Variants in SQOR observed in about 807,000 individuals in gnomAD.
SQOR encodes the protein sulfide quinone oxidoreductase, also known as sulfide:quinone oxidoreductase, mitochondrial.
A neutral mutation model predicts 48.6 loss-of-function variants in SQOR; 39 were observed. That is an observed-to-expected ratio of 0.80 (90% CI 0.62 to 1.05). The LOEUF is 1.05. Among genes scored for constraint, SQOR ranks in the 50% least tolerant of loss-of-function variants. The probability of loss-of-function intolerance (pLI) is 0.00; values close to 1 mark genes in which losing one functional copy is unlikely to be tolerated. For missense variants in SQOR, 561 were observed against 559.9 expected, an observed-to-expected ratio of 1.00 and a Z score of -0.02; for synonymous variants, 220 against 206.2, an observed-to-expected ratio of 1.07 and a Z score of -0.57.
intron 6 of SQOR, among the ~76,000 whole-genome samples, chr15:45,681,055 A>C (rs1373380815): frequency 2.0e-5 from 3 of 152,090 alleles, no homozygotes; most frequent in Non-Finnish European, 4.4e-5. Context: ...ATAAAAGAAA[A>C]AACAACAACA....
chr15:45,676,128 A>G lies in SQOR; in HGVS notation c.682A>G (p.Ile228Val), dbSNP rs1822510022. 6.2e-7 allele frequency: 1 copy of G among 1,613,896 alleles called. No individual in the cohort carries two copies. The highest frequency in any genetic ancestry group is 8.5e-7 in the Non-Finnish European group (1 of 1,180,000). ...KTGKRSKANI[I>V]FNTSLGAIFG... ...AGGGAAGCGATCCAAGGCCAATATC[A>G]TTTTCAACACTTCTCTTGGAGCCAT... Residue 228 changes from isoleucine to valine, a missense_variant, in exon 6 of 10, where the codon ATT becomes GTT. Transcript: ENST00000260324.
Position 45,662,053 on chromosome 15 carries a change from A to G in SQOR, c.333A>G (p.Val111=). Residue 111 remains valine, a synonymous_variant, in exon 3 of 10, where the codon GTA becomes GTG. Coordinates refer to ENST00000260324, the MANE Select transcript of SQOR (RefSeq NM_021199.4). The part of the protein sequence containing the change: ...RPTASVIPSG[V]EWIKARVTEL... ...CGGCAAGTGTGATTCCATCTGGTGTAGAATGGATCAAAGCTAGAGTGACTG... is the reference window on the plus strand; with the variant it reads ...CGGCAAGTGTGATTCCATCTGGTGTGGAATGGATCAAAGCTAGAGTGACTG... 1 of 1,614,238 alleles carries G rather than the reference A, an allele frequency of 6.2e-7. No individual in the cohort carries two copies. The highest frequency in any genetic ancestry group is 1.1e-5 in the South Asian group (1 of 91,088).
chr15:45,651,742 T>C (rs1889495326), intron 1 of SQOR, among the ~76,000 whole-genome samples: 1 of 152,180 alleles, frequency 6.6e-6, no homozygotes, highest in Non-Finnish European at 1.5e-5. Context: ...GTGCTAGGAT[T>C]ACAGGCATGA....
intron 2 of SQOR, among the ~76,000 whole-genome samples, chr15:45,660,105 G>T (rs981633382): frequency 6.6e-6 from 1 of 152,214 alleles, no homozygotes; most frequent in Non-Finnish European, 1.5e-5. Context: ...TTGTCCAAAA[G>T]CTTCAGAAAA....
At chr15:45,690,318 A>G (rs893987286) in intron 9 of SQOR, among the ~76,000 whole-genome samples, 11 of 152,230 alleles carry the variant, frequency 7.2e-5, no homozygotes, top group African/African-American at 2.4e-4. Flanking sequence ...CACCTGCCTC[A>G]GCCTCCCAAA....
intron 9 of SQOR, among the ~76,000 whole-genome samples, chr15:45,689,894 T>G (rs1237066999): frequency 6.6e-6 from 1 of 152,108 alleles, no homozygotes; most frequent in Non-Finnish European, 1.5e-5. Flanking sequence ...CATAGCTGTG[T>G]GTCCCAGGGA....
At chr15:45,656,392 C>T (rs1021219798) in intron 1 of SQOR, among the ~76,000 whole-genome samples, 3 of 152,074 alleles carry the variant, frequency 2.0e-5, no homozygotes, top group African/African-American at 4.8e-5. Flanking sequence ...CTTCACCTCC[C>T]GGGCTTGAGT....
chr15:45,640,776 C>G (rs1895092538), intron 1 of SQOR, among the ~76,000 whole-genome samples: 1 of 152,156 alleles, frequency 6.6e-6, no homozygotes, highest in Non-Finnish European at 1.5e-5. Flanking sequence ...CTCAGGAAAA[C>G]AAGTTCATCC....
At chr15:45,679,923 C>T (rs916596410) in intron 6 of SQOR, among the ~76,000 whole-genome samples, 5 of 152,116 alleles carry the variant, frequency 3.3e-5, no homozygotes, top group African/African-American at 1.2e-4. Context: ...ACAAGTCTCC[C>T]CAATGCTGCT....
intron 6 of SQOR, among the ~76,000 whole-genome samples, chr15:45,678,985 C>T (rs969611467): frequency 6.6e-6 from 1 of 152,050 alleles, no homozygotes; most frequent in African/African-American, 2.4e-5. Flanking sequence ...GAGTAAGAGC[C>T]CGAAGCATCC....
upstream of SQOR, among the ~76,000 whole-genome samples, chr15:45,632,233 CTTTT>C (rs1272885552): frequency 7.8e-6 from 1 of 128,940 alleles, no homozygotes; most frequent in Non-Finnish European, 1.6e-5. Context: ...TCCTTCCTTC[CTTTT>C]TTGATGGAGT....
In SQOR at chr15:45,676,297, C is replaced by A; in HGVS notation, c.851C>A (p.Thr284Asn). 6.2e-7 allele frequency: 1 copy of A among 1,613,928 alleles called. No homozygotes were observed. The highest frequency in any genetic ancestry group is 1.7e-5 in the Admixed American group (1 of 59,998). ...GAGAACCTGGACAAACCAGGAGAGA[C>A]CCAAGTGATTTCAGTGAGTGGTGAG... is the stretch of plus-strand genomic sequence containing the variant. ...VFENLDKPGE[T>N]QVISYEMLHV... Residue 284 changes from threonine to asparagine, a missense_variant, in exon 6 of 10, where the codon ACC (threonine) becomes AAC (asparagine). Coordinates refer to ENST00000260324, the MANE Select transcript of SQOR (RefSeq NM_021199.4).
At chr15:45,683,660 C>T (rs957366669) in intron 7 of SQOR, among the ~76,000 whole-genome samples, 2 of 152,134 alleles carry the variant, frequency 1.3e-5, no homozygotes, top group African/African-American at 4.8e-5. Flanking sequence ...ATCTAGGAAA[C>T]TCACTGAGTG....
rs761922019 is a variant in SQOR, at chr15:45,658,957, C to T, written c.34C>T (p.Arg12Cys). ...ACTGGTGGCTGTGGTATCAGGGCCC[C>T]GTGCCCAGCTCTTTGCCTGCCTGCT... is the stretch of plus-strand genomic sequence containing the variant. ...VPLVAVVSGP[R>C]AQLFACLLRL... Residue 12 changes from arginine to cysteine, a missense_variant, in exon 2 of 10, where the codon CGT becomes TGT. Physicochemically the swap from Arg to Cys is radical, Grantham distance 180 (BLOSUM62 -3). Coordinates refer to ENST00000260324, the MANE Select transcript of SQOR (RefSeq NM_021199.4). 4.5e-5 allele frequency: 71 copies of T among 1,578,772 alleles called. No homozygotes were observed. The highest frequency in any genetic ancestry group is 3.5e-4 in the South Asian group (31 of 87,406).
chr15:45,657,987 C>G (rs751372709), intron 1 of SQOR, among the ~76,000 whole-genome samples: 1 of 152,054 alleles, frequency 6.6e-6, no homozygotes, highest in Non-Finnish European at 1.5e-5. Context: ...GTCAGGCCAG[C>G]TTTGTGTGTG....
chr15:45,685,698 T>G (rs893149884), intron 7 of SQOR, among the ~76,000 whole-genome samples: 1 of 152,206 alleles, frequency 6.6e-6, no homozygotes, highest in Non-Finnish European at 1.5e-5. Context: ...TTGGCCTTGA[T>G]GTCCTGCTGC....
intron 1 of SQOR, among the ~76,000 whole-genome samples, chr15:45,643,916 GC>G (rs1895149693): frequency 6.6e-6 from 1 of 152,056 alleles, no homozygotes; most frequent in Admixed American, 6.6e-5. Flanking sequence ...GGAAAGGAAG[GC>G]CACGTGCTGC....
At chr15:45,631,336 A>T (rs1200539570), upstream of SQOR, 1 of 152,502 alleles carries the variant, frequency 6.6e-6, no homozygotes, top group Non-Finnish European at 1.5e-5. Context: ...TGGTTCTGAG[A>T]CTGCCCTGTG....
chr15:45,659,077 G>C lies in SQOR; in HGVS notation c.154G>C (p.Gly52Arg). ...TTATGAGGTGCTGGTGCTGGGTGGG[G>C]GCAGTGGCGGAATCACCATGGCTGC... ...NHYEVLVLGG[G>R]SGGITMAARM... Residue 52 changes from glycine (G) to arginine (R), a missense_variant, in exon 2 of 10, where the codon GGC becomes CGC. Transcript: ENST00000260324. 6.3e-7 allele frequency: 1 copy of C among 1,593,912 alleles called. No individual in the cohort carries two copies. The highest frequency in any genetic ancestry group is 8.5e-7 in the Non-Finnish European group (1 of 1,170,578).
Sources: gnomAD v4.1 joint callset for allele counts (sites outside exome capture counted in the v4.1 genomes callset) on GRCh38, gnomAD v4.1.1 for gene constraint, MANE v1.5 for transcripts, NCBI Gene and HGNC (gene_info 2026-07-23, HGNC 2026-07-21) for gene names.